LGALS8: variants seen among roughly 807,000 people sequenced by gnomAD.
The protein encoded by LGALS8 is galectin-8.
In LGALS8, 30 loss-of-function variants were observed where a neutral mutation model predicts 35.9. The observed-to-expected ratio is 0.83, with a 90% CI of 0.62 to 1.13. The LOEUF (loss-of-function observed/expected upper bound fraction) is 1.13, where lower values mean the gene tolerates loss of function less well. Ranked by LOEUF, LGALS8 falls within the 50% of genes most tolerant of loss-of-function variation. LGALS8 has a pLI of 0.00. For missense variants in LGALS8, 366 were observed against 388.7 expected (o/e 0.94, Z 0.49); for synonymous variants, 138 against 136.1 (o/e 1.01, Z -0.10).
chr1:236,534,023 G>A (rs992805727), intron 2 of LGALS8, among the ~76,000 whole-genome samples: 4 of 152,152 alleles, frequency 2.6e-5, no homozygotes, highest in African/African-American at 9.7e-5. Flanking sequence ...TCCAAACCCA[G>A]ATATAGCGGC....
chr1:236,519,995 T>G (rs1018601582), upstream of LGALS8, among the ~76,000 whole-genome samples: 2 of 143,602 alleles, frequency 1.4e-5, no homozygotes, highest in African/African-American at 2.7e-5. Context: ...TTCACTCTGT[T>G]GCCCAGGCTG....
At chr1:236,531,144 T>C (rs890533245) in intron 2 of LGALS8, among the ~76,000 whole-genome samples, 6 of 152,326 alleles carry the variant, frequency 3.9e-5, no homozygotes, top group East Asian at 1.9e-4. Context: ...GTAAAACTTA[T>C]GTAAGCAGTC....
intron 2 of LGALS8, among the ~76,000 whole-genome samples, chr1:236,533,226 G>T (rs1209865353): frequency 1.3e-5 from 2 of 152,186 alleles, no homozygotes; most frequent in Non-Finnish European, 2.9e-5. Flanking sequence ...TCTACCTGAA[G>T]TGGCAACTGA....
At chr1:236,542,901 C>G in intron 7 of LGALS8, 114 bp downstream of exon 7, 1 of 1,614,086 alleles carries the variant, frequency 6.2e-7, no homozygotes, top group East Asian at 2.2e-5. Context: ...TACTGTAGAA[C>G]TGTTTCCCTA....
upstream of LGALS8, chr1:236,523,583 C>A (rs115880018): frequency 0.017 from 2,692 of 162,722 alleles, 34 homozygotes; most frequent in Middle Eastern, 0.049. Flanking sequence ...GTCCCAGCCC[C>A]GAGCGCCCTC....
At chr1:236,541,001 G>C (rs1185820835) in intron 5 of LGALS8, among the ~76,000 whole-genome samples, 1 of 152,204 alleles carries the variant, frequency 6.6e-6, no homozygotes, top group Non-Finnish European at 1.5e-5. Flanking sequence ...GAGTGCCTGA[G>C]TCAAAGAGCA....
Position 236,537,596 on chromosome 1 carries a change from T to C in LGALS8, c.134+11T>C, listed in dbSNP as rs1377650333. 6 of 1,560,452 alleles carry C rather than the reference T, an allele frequency of 3.8e-6. No homozygotes were observed. The highest frequency in any genetic ancestry group is 1.7e-5 in the Admixed American group (1 of 59,908). On this transcript the variant is annotated intron_variant, in intron 3 of 9. Coordinates refer to ENST00000366584, the MANE Select transcript of LGALS8 (RefSeq NM_201544.4). The stretch of plus-strand genomic sequence containing the variant: ...TAGTGACGCAGACAGGTAAAATCAC[T>C]GTGCTAAAGGAAGGAGCATGAATAG...
rs770743522 is a variant in LGALS8, at chr1:236,552,054, C to T, written c.*3893C>T. On this transcript the variant is annotated 3_prime_UTR_variant, in exon 10 of 10. Coordinates refer to ENST00000366584, the MANE Select transcript of LGALS8 (RefSeq NM_201544.4). ...ATTCTGGTAGCAAGACAATATAATT[C>T]TCCTTTAGTTTTTCAGCCAGTGCTA... The T allele has an allele frequency of 6.2e-7, 1 of 1,613,604 alleles. No individual in the cohort carries two copies. The highest frequency in any genetic ancestry group is 8.5e-7 in the Non-Finnish European group (1 of 1,179,860).
At chr1:236,543,687 C>G (rs1254441484) in intron 8 of LGALS8, 39 bp downstream of exon 8, 4 of 1,443,710 alleles carry the variant, frequency 2.8e-6, no homozygotes, top group Non-Finnish European at 3.9e-6. Flanking sequence ...GCAGATACTT[C>G]CGTGCCTGTT....
intron 4 of LGALS8, chr1:236,540,316 T>G (rs964125714): frequency 4.6e-6 from 2 of 436,296 alleles, no homozygotes; most frequent in East Asian, 3.9e-5. Context: ...GCACATATAC[T>G]TATGACTGCC....
At chr1:236,519,212 G>T (rs1335900152), upstream of LGALS8, among the ~76,000 whole-genome samples, 1 of 129,062 alleles carries the variant, frequency 7.7e-6, no homozygotes, top group Non-Finnish European at 1.6e-5. Flanking sequence ...AACACAGTGG[G>T]ACCCCATCAC....
At position 236,526,233 on chromosome 1, in the gene LGALS8, A is replaced by G; in HGVS notation, c.45+118A>G. 1.4e-6 allele frequency: 1 copy of G among 700,592 alleles called. No individual in the cohort carries two copies. 43.4% of individuals were successfully genotyped at this position (700,592 alleles called of 1,614,324 possible). A position where few individuals can be genotyped will look rare whatever the true frequency, so the allele number is the denominator to read the frequency against. ...GCCAGTGAACATATTTAAAGCACCT[A>G]CTATGTAATAGAGATGGTGGTGGGT... On this transcript the variant is annotated intron_variant, in intron 2 of 9. Coordinates refer to ENST00000366584, the MANE Select transcript of LGALS8 (RefSeq NM_201544.4). This position sits in a 1 kb window ranked among gnomAD's most constrained non-coding sequence, Gnocchi z 4.6.
At position 236,537,868 on chromosome 1, in the gene LGALS8, C is replaced by T. The variant is rs1459370190; in HGVS notation, c.134+283C>T. 3.3e-5 allele frequency among the ~76,000 whole-genome samples: 5 copies of T among 149,474 alleles called. No homozygotes were observed. In the East Asian group the frequency reaches 5.9e-4, roughly 18 times the overall value. On this transcript the variant is annotated intron_variant, in intron 3 of 9. Coordinates refer to ENST00000366584, the MANE Select transcript of LGALS8 (RefSeq NM_201544.4). The stretch of plus-strand genomic sequence containing the variant: ...TTTCCAGCACTTTGGGAGGCCAAGG[C>T]AGGAGGATTGTTTGAGGCCAGGAGT...
chr1:236,531,491 A>AT, intron 2 of LGALS8, among the ~76,000 whole-genome samples: 1 of 151,776 alleles, frequency 6.6e-6, no homozygotes, highest in Non-Finnish European at 1.5e-5. Context: ...CGCCTGGCTA[A>AT]TTTTTTTGTA....
In LGALS8 at chr1:236,544,866, A is replaced by G. The variant is rs1558168149; in HGVS notation, c.755A>G (p.Glu252Gly). The G allele has an allele frequency of 3.1e-6, 5 of 1,613,936 alleles. No homozygotes were observed. The highest frequency in any genetic ancestry group is 1.6e-4 in the Middle Eastern group (1 of 6,062). Reference sequence around the variant, plus strand: ...TTTCTTCAGGAGTCCTGGGGAGAAGAAGAGAGAAATATTACCTCTTTCCCA... The same window carrying G: ...TTTCTTCAGGAGTCCTGGGGAGAAGGAGAGAGAAATATTACCTCTTTCCCA... Reference protein sequence around the residue: ...NSFLQESWGEEERNITSFPFS... With the variant: ...NSFLQESWGEGERNITSFPFS... Residue 252 changes from glutamate to glycine, a missense_variant, in exon 9 of 10, where the codon GAA (glutamate) becomes GGA (glycine). Physicochemically the swap from Glu to Gly is moderately conservative, Grantham distance 98 (BLOSUM62 -2). Coordinates refer to ENST00000366584, the MANE Select transcript of LGALS8 (RefSeq NM_201544.4).
intron 7 of LGALS8, 126 bp from the exon 8 acceptor site, chr1:236,543,434 G>A: frequency 1.3e-6 from 1 of 780,176 alleles, no homozygotes; most frequent in East Asian, 2.7e-5. Context: ...AAGGCAGACT[G>A]TCTCTCCCCT....
At chr1:236,540,748 A>G in intron 5 of LGALS8, 65 bp downstream of exon 5, 1 of 1,462,802 alleles carries the variant, frequency 6.8e-7, no homozygotes, top group South Asian at 1.4e-5. Flanking sequence ...GGTAGAAAAA[A>G]TCTTCAAATA....
intron 2 of LGALS8, among the ~76,000 whole-genome samples, chr1:236,534,348 C>A (rs1661334391): frequency 6.6e-6 from 1 of 152,094 alleles, no homozygotes; most frequent in South Asian, 2.1e-4. Flanking sequence ...ATTTAATCAT[C>A]AAAAAGGCAA....
Position 236,550,803 on chromosome 1 carries a change from A to G in LGALS8, c.*2642A>G, listed in dbSNP as rs1662694877. 4 of 868,006 alleles carry G rather than the reference A, an allele frequency of 4.6e-6. No homozygotes were observed. In the South Asian group the frequency reaches 5.1e-5, roughly 11 times the overall value. The allele number at this position is 868,006 out of a possible 1,614,324, so 53.8% of individuals were successfully genotyped here. On this transcript the variant is annotated 3_prime_UTR_variant, in exon 10 of 10. Transcript: ENST00000366584. ...ATTTGTAAGTAATCCAAGTAGGTGT[A>G]TTAAGGCACCAAAAGTAACATGGCA...
Sources: allele counts gnomAD v4.1 joint callset (sites outside exome capture counted in the v4.1 genomes callset), GRCh38; gene constraint gnomAD v4.1.1; non-coding constraint Gnocchi (gnomAD v3.1); transcripts MANE v1.5; gene names NCBI Gene and HGNC (gene_info 2026-07-23, HGNC 2026-07-21).